The following KDM5C variants were observed in gnomAD, a reference collection of about 807,000 sequenced individuals.
KDM5C encodes lysine demethylase 5C.
A neutral mutation model predicts 110.6 loss-of-function variants in KDM5C; 16 were observed. The observed-to-expected ratio is 0.14, with a 90% CI of 0.10 to 0.22. The LOEUF (loss-of-function observed/expected upper bound fraction) is 0.22, where lower values mean the gene tolerates loss of function less well. KDM5C is among the 10% of genes least tolerant of loss of function. KDM5C has a pLI of 1.00. For missense variants in KDM5C, 681 were observed against 1,300.9 expected (o/e 0.52, Z 7.33); for synonymous variants, 511 against 520.4 (o/e 0.98, Z 0.24).
At chrX:53,203,532 T>C (rs782255780) in intron 12 of KDM5C, among the ~76,000 whole-genome samples, 1 of 111,896 alleles carries the variant, frequency 8.9e-6, no homozygotes, top group East Asian at 2.8e-4. Context: ...TACTCTACTT[T>C]TTGGGAGATT....
chrX:53,209,017 G>A (rs1237934572), intron 12 of KDM5C, among the ~76,000 whole-genome samples: 4 of 106,743 alleles, frequency 3.7e-5, no homozygotes, highest in Non-Finnish European at 7.7e-5. Flanking sequence ...GGGTTTCACC[G>A]TGTCGGCCAA....
At chrX:53,191,816 G>A (rs980673630), downstream of KDM5C, 1 of 174,496 alleles carries the variant, frequency 5.7e-6, no homozygotes, top group Non-Finnish European at 1.1e-5. Context: ...GAATTTTATA[G>A]TATGTAAATT....
rs201805773 is a variant in KDM5C, at chrX:53,217,264, C to T, written c.536G>A (p.Arg179His). ...SGANLVQCNT[R>H]PFDNEEKDKE... is the part of the protein sequence containing the mutation. ...GTCCTTCTCCTCATTATCAAATGGA[C>T]GTGTGTTACACTGCTGGGGACAGGT... Residue 179 changes from arginine to histidine, a missense_variant, in exon 5 of 26, where the codon CGT (arginine) becomes CAT (histidine). Arg to His is a conservative substitution (Grantham distance 29). Transcript: ENST00000375401. 3.3e-4 allele frequency: 405 copies of T among 1,209,054 alleles called. No individual in the cohort carries two copies. Among genetic ancestry groups the T allele is most frequent in the Non-Finnish European group, 4.3e-4 (385 of 894,899 alleles).
At chrX:53,197,362 A>T (rs1934941052) in intron 18 of KDM5C, among the ~76,000 whole-genome samples, 1 of 110,073 alleles carries the variant, frequency 9.1e-6, no homozygotes, top group Non-Finnish European at 1.9e-5. Flanking sequence ...GCACCAAGAG[A>T]CCTCCCTGCC....
intron 25 of KDM5C, among the ~76,000 whole-genome samples, chrX:53,181,743 C>T (rs1296760850): frequency 9.7e-6 from 1 of 103,479 alleles, no homozygotes; most frequent in Non-Finnish European, 2.0e-5. Flanking sequence ...AGAACTGATT[C>T]TATGGATGAT....
intron 12 of KDM5C, chrX:53,202,828 T>C (rs1361589117): frequency 2.7e-5 from 3 of 110,457 alleles, no homozygotes; most frequent in African/African-American, 9.9e-5. Context: ...TCCTTTTTTT[T>C]TTTTTTTGAG....
chrX:53,215,178 G>A (rs191044870), intron 7 of KDM5C: 24 of 396,753 alleles, frequency 6.0e-5, no homozygotes, highest in African/African-American at 9.9e-5. Flanking sequence ...TGCCAATAGC[G>A]GTCCATAAAG....
In KDM5C at chrX:53,193,215, G is replaced by A; in HGVS notation, c.4435C>T (p.Pro1479Ser). 8.3e-7 allele frequency: 1 copy of A among 1,209,638 alleles called. No individual in the cohort carries two copies. Among genetic ancestry groups the A allele is most frequent in the South Asian group, 1.8e-5 (1 of 56,932 alleles). Reference sequence around the variant, plus strand: ...GGCCCTGAGCTCCGTACCCTCTTTGGCTCTAGCTCCTCTCGGGCTGGGTCA... The same window carrying A: ...GGCCCTGAGCTCCGTACCCTCTTTGACTCTAGCTCCTCTCGGGCTGGGTCA... ...GDDPAREELE[P>S]KRVRSSGPEA... The change falls in exon 26 of 26, where the codon CCA (proline) becomes TCA (serine). Residue 1479 changes from proline (P) to serine (S), a missense_variant. By Grantham distance (74) the Pro-to-Ser change is moderately conservative. This residue lies in a region of KDM5C where 115 missense variants were observed against 120.9 expected (regional missense o/e 0.95). Coordinates refer to ENST00000375401, the MANE Select transcript of KDM5C (RefSeq NM_004187.5).
intron 12 of KDM5C, among the ~76,000 whole-genome samples, chrX:53,209,062 C>T (rs374128528): frequency 4.5e-5 from 5 of 110,515 alleles, no homozygotes; most frequent in African/African-American, 1.6e-4. Context: ...AGTGATCTGA[C>T]TGCCTTGGCC....
At chrX:53,190,168 G>GGAGT (rs1934360630), downstream of KDM5C, among the ~76,000 whole-genome samples, 1 of 112,519 alleles carries the variant, frequency 8.9e-6, no homozygotes, top group Admixed American at 9.3e-5. Flanking sequence ...CCTTTCTAGG[G>GGAGT]GAGTATCTGG....
Position 53,198,621 on chromosome X carries a change from C to T in KDM5C, c.2385G>A (p.Arg795=). The change falls in exon 17 of 26, where the codon AGG becomes AGA. Residue 795 remains arginine (R), a synonymous_variant. Coordinates refer to ENST00000375401, the MANE Select transcript of KDM5C (RefSeq NM_004187.5). ...DGRKRSLEEL[R]ALESEARERR... ...GCTCACGGGCTTCAGACTCTAGTGC[C>T]CTCAGTTCTTCAAGGCCTGGAAGAA... 8.3e-7 allele frequency: 1 copy of T among 1,211,990 alleles called. No individual in the cohort carries two copies. Among genetic ancestry groups the T allele is most frequent in the South Asian group, 1.8e-5 (1 of 56,994 alleles).
Position 53,194,181 on chromosome X carries a change from A to T in KDM5C, c.3996T>A (p.Ala1332=), listed in dbSNP as rs141284087. 68 of 1,207,940 alleles carry T rather than the reference A, an allele frequency of 5.6e-5. No homozygotes were observed. In the African/African-American group the frequency reaches 1.0e-3, roughly 18 times the overall value. Reference sequence around the variant, plus strand: ...CACTGCCCTCTCTGAGGGGGTCAGAAGCAGGGGCTGCAGGGTAGTTAGGAG... The same window carrying T: ...CACTGCCCTCTCTGAGGGGGTCAGATGCAGGGGCTGCAGGGTAGTTAGGAG... ...EEPPNYPAAP[A]SDPLREGSGK... Residue 1332 remains alanine, a synonymous_variant, in exon 23 of 26, where the codon GCT becomes GCA. Transcript: ENST00000375401.
chrX:53,187,994 G>A (rs1442328031), downstream of KDM5C, among the ~76,000 whole-genome samples: 2 of 110,023 alleles, frequency 1.8e-5, no homozygotes, highest in Non-Finnish European at 3.8e-5. Flanking sequence ...CGCCCGCCTC[G>A]GCCTCCCAAA....
chrX:53,194,517 G>C lies in KDM5C; in HGVS notation c.3660C>G (p.Leu1220=), dbSNP rs373545419. Residue 1220 remains leucine, a synonymous_variant, in exon 23 of 26, where the codon CTC becomes CTG. Coordinates refer to ENST00000375401, the MANE Select transcript of KDM5C (RefSeq NM_004187.5). ...HGRCVSVPRL[L]SSPRPNPTSS... ...AGGTGGGATTGGGCCTCGGAGAGCT[G>C]AGGAGGCGAGGCACTGACACACACC... is the stretch of plus-strand genomic sequence containing the variant. The C allele has an allele frequency of 8.3e-7, 1 of 1,209,771 alleles. No homozygotes were observed. The highest frequency in any genetic ancestry group is 1.1e-6 in the Non-Finnish European group (1 of 894,779).
Position 53,192,861 on chromosome X carries a change from A to ACCCCGCC in KDM5C, c.*105_*106insGGCGGGG. On this transcript the variant is annotated 3_prime_UTR_variant, in exon 26 of 26. Transcript: ENST00000375401. ...GGGTGGGCGGGTAGCAGGGATGGCCACCCCCCTACCCGCCCACCCCCCAAG... is the reference window on the plus strand; with the variant it reads ...GGGTGGGCGGGTAGCAGGGATGGCCACCCCGCCCCCCCCTACCCGCCCACCCCCCAAG... The ACCCCGCC allele has an allele frequency of 2.8e-5, 14 of 501,989 alleles. No homozygotes were observed. The highest frequency in any genetic ancestry group is 3.5e-5 in the Non-Finnish European group (12 of 347,631). The allele number at this position is 501,989 out of a possible 1,213,427, so 41.4% of individuals were successfully genotyped here. A position where few individuals can be genotyped will look rare whatever the true frequency, so the allele number is the denominator to read the frequency against.
rs782405999 is a variant in KDM5C, at chrX:53,196,882, G to C, written c.2785C>G (p.Arg929Gly). 2.5e-6 allele frequency: 3 copies of C among 1,200,844 alleles called. No homozygotes were observed. The highest frequency in any genetic ancestry group is 3.6e-5 in the South Asian group (2 of 55,585). The change falls in exon 19 of 26, where the codon CGA (arginine) becomes GGA (glycine). Residue 929 changes from arginine (R) to glycine (G), a missense_variant. Arg to Gly is a moderately radical substitution (Grantham distance 125). This residue lies in a region of KDM5C where 123 missense variants were observed against 169.0 expected (regional missense o/e 0.73). Coordinates refer to ENST00000375401, the MANE Select transcript of KDM5C (RefSeq NM_004187.5). ...GTGCGTTTCACCTCATCCAGCCATC[G>C]CGCCTGTTCCACCTGCCGCTGGAGC... ...QQLQRQVEQA[R>G]WLDEVKRTLA...
At chrX:53,206,080 A>G (rs2073319032) in intron 12 of KDM5C, among the ~76,000 whole-genome samples, 1 of 112,009 alleles carries the variant, frequency 8.9e-6, no homozygotes, top group African/African-American at 3.3e-5. Flanking sequence ...AAAAATGACA[A>G]CTGTGAATAG....
At chrX:53,184,526 G>T (rs1002312135) in intron 25 of KDM5C, among the ~76,000 whole-genome samples, 20 of 111,709 alleles carry the variant, frequency 1.8e-4, no homozygotes, top group African/African-American at 5.9e-4. Flanking sequence ...ATAAGTGTTG[G>T]CTACCACACC....
At chrX:53,222,361 C>CAA (rs5902515) in intron 1 of KDM5C, among the ~76,000 whole-genome samples, 27 of 66,709 alleles carry the variant, frequency 4.0e-4, no homozygotes, top group African/African-American at 8.4e-4. Context: ...TAAGCAGGGA[C>CAA]AAAAAAAAAA....
Sources: allele counts gnomAD v4.1 joint callset (sites outside exome capture counted in the v4.1 genomes callset), GRCh38; gene constraint gnomAD v4.1.1; regional missense constraint gnomAD v4.1.1; transcripts MANE v1.5; gene names NCBI Gene and HGNC (gene_info 2026-07-23, HGNC 2026-07-21).